Variants in COX10 observed in about 807,000 individuals in gnomAD.
COX10 encodes the protein protoheme IX farnesyltransferase, mitochondrial.
In COX10, 27 loss-of-function variants were observed where a neutral mutation model predicts 37.3. The observed-to-expected ratio is 0.72, with a 90% confidence interval of 0.53 to 1.00. COX10 has a LOEUF of 1.00. Among genes scored for constraint, COX10 ranks in the 50% least tolerant of loss-of-function variants. COX10 has a pLI of 0.00. For synonymous variants in COX10, 222 were observed against 229.1 expected (o/e 0.97, Z 0.28); for missense variants, 475 against 563.2 (o/e 0.84, Z 1.59).
intron 4 of COX10, among the ~76,000 whole-genome samples, chr17:14,109,095 G>T (rs1362249847): frequency 6.6e-6 from 1 of 152,144 alleles, no homozygotes; most frequent in African/African-American, 2.4e-5. Flanking sequence ...TGGGCAACTT[G>T]CATTCATTCA....
Position 14,069,519 on chromosome 17 carries a change from G to C in COX10, c.-87G>C, listed in dbSNP as rs1237551526. On this transcript the variant is annotated 5_prime_UTR_variant, in exon 1 of 7. Transcript: ENST00000261643. ...GCGGCCCGGAACTACTCCCACAGGG[G>C]GGCGGGGAAGGAAGATGGCGGCGCC... is the stretch of plus-strand genomic sequence containing the variant. 4.7e-5 allele frequency: 72 copies of C among 1,523,024 alleles called. No individual in the cohort carries two copies. In the Admixed American group the frequency reaches 9.5e-4, roughly 20 times the overall value. 94.3% of individuals were successfully genotyped at this position (1,523,024 alleles called of 1,614,324 possible). A position where few individuals can be genotyped will look rare whatever the true frequency, so the allele number is the denominator to read the frequency against.
intron 5 of COX10, 49 bp downstream of exon 5, chr17:14,159,996 C>T: frequency 6.7e-7 from 1 of 1,495,774 alleles, no homozygotes; most frequent in Admixed American, 1.7e-5. Flanking sequence ...CATTCATTTG[C>T]TTGTTCATCT....
At chr17:14,132,081 T>C (rs1223329129) in intron 4 of COX10, among the ~76,000 whole-genome samples, 2 of 151,990 alleles carry the variant, frequency 1.3e-5, no homozygotes, top group African/African-American at 2.4e-5. Flanking sequence ...TTATATCCTA[T>C]GTTAGAGTTT....
chr17:14,076,799 C>G lies in COX10; in HGVS notation c.242C>G (p.Ser81Cys). The change falls in exon 3 of 7, where the codon TCT becomes TGT. Residue 81 changes from serine to cysteine, a missense_variant. By Grantham distance (112) the Ser-to-Cys change is moderately radical (BLOSUM62 -1). This residue lies in a region of COX10 where 242 missense variants were observed against 242.5 expected (regional missense o/e 1.00). Transcript: ENST00000261643. ...QVRPKPEPVASPFLEKTSSGQ... is the reference protein window; with the variant it reads ...QVRPKPEPVACPFLEKTSSGQ... ...AGACCCAAGCCAGAACCAGTAGCAT[C>G]TCCTTTCCTTGAAAAAACATCTTCA... 1 of 1,614,168 alleles carries G rather than the reference C, an allele frequency of 6.2e-7. No homozygotes were observed. Among genetic ancestry groups the G allele is most frequent in the African/African-American group, 1.3e-5 (1 of 75,044 alleles).
At chr17:14,140,139 A>G (rs1904493488) in intron 4 of COX10, among the ~76,000 whole-genome samples, 1 of 152,122 alleles carries the variant, frequency 6.6e-6, no homozygotes, top group African/African-American at 2.4e-5. Context: ...TTTAAAAAAT[A>G]TTTCCCAACC....
At position 14,206,989 on chromosome 17, in the gene COX10, G is replaced by A. The variant is rs139943443; in HGVS notation, c.1108G>A (p.Ala370Thr). The A allele has an allele frequency of 2.3e-5, 37 of 1,614,042 alleles. No individual in the cohort carries two copies. The African/African-American group carries it at 4.7e-4, about 20-fold the overall frequency. ...CCTGGCCCTGCTCGTGCTGTCCGCA[G>A]CAGCCCCTGTGCTGGACATCACCAC... ...HCLALLVLSA[A>T]APVLDITTWT... The change falls in exon 7 of 7, where the codon GCA (alanine) becomes ACA (threonine). Residue 370 changes from alanine to threonine, a missense_variant. By Grantham distance (58) the Ala-to-Thr change is moderately conservative (BLOSUM62 0). This residue lies in a region of COX10 where 160 missense variants were observed against 180.6 expected (regional missense o/e 0.89). Coordinates refer to ENST00000261643, the MANE Select transcript of COX10 (RefSeq NM_001303.4).
chr17:14,107,620 C>G (rs769170823), intron 4 of COX10, among the ~76,000 whole-genome samples: 1 of 151,956 alleles, frequency 6.6e-6, no homozygotes, highest in East Asian at 1.9e-4. Flanking sequence ...TCAGCTTTCA[C>G]CCTCTTTGTA....
intron 5 of COX10, among the ~76,000 whole-genome samples, chr17:14,171,578 A>AT (rs1391279003): frequency 6.6e-6 from 1 of 151,774 alleles, no homozygotes; most frequent in Non-Finnish European, 1.5e-5. Flanking sequence ...TTCTCAGGGA[A>AT]TGCGTCTTGA....
chr17:14,077,912 G>A (rs910970404), intron 3 of COX10, among the ~76,000 whole-genome samples: 1 of 121,574 alleles, frequency 8.2e-6, no homozygotes, highest in Non-Finnish European at 1.7e-5. Context: ...GAAGGATCAG[G>A]GAAAGAGTGA....
At chr17:14,148,038 T>C (rs1396807456) in intron 4 of COX10, among the ~76,000 whole-genome samples, 8 of 151,804 alleles carry the variant, frequency 5.3e-5, no homozygotes, top group Admixed American at 5.2e-4. Context: ...CTGAGTGTTT[T>C]ACTTGTAGGA....
At chr17:14,110,179 T>C (rs993852278) in intron 4 of COX10, among the ~76,000 whole-genome samples, 2 of 152,064 alleles carry the variant, frequency 1.3e-5, no homozygotes, top group African/African-American at 4.8e-5. Context: ...GAAGGAAACA[T>C]GTTTATTTTT....
chr17:14,188,213 GAA>G lies in COX10; in HGVS notation c.696-3766_696-3765del, dbSNP rs10648666. Among the ~76,000 whole-genome samples the G allele has an allele frequency of 1.3e-4, 18 of 139,434 alleles. No individual in the cohort carries two copies. The East Asian group carries it at 3.3e-3, about 26-fold the overall frequency. 91.5% of individuals were successfully genotyped at this position (139,434 alleles called of 152,430 possible). A position where few individuals can be genotyped will look rare whatever the true frequency, so the allele number is the denominator to read the frequency against. On this transcript the variant is annotated intron_variant, in intron 5 of 6. Coordinates refer to ENST00000261643, the MANE Select transcript of COX10 (RefSeq NM_001303.4). ...AGCTAGTTTTTTAGAGTCTCATAGG[GAA>G]AAAAAAAAATCTGTTCTTATAAGCT... is the stretch of plus-strand genomic sequence containing the variant.
At chr17:14,114,307 A>C (rs1465185016) in intron 4 of COX10, among the ~76,000 whole-genome samples, 1 of 152,154 alleles carries the variant, frequency 6.6e-6, no homozygotes, top group Non-Finnish European at 1.5e-5. Context: ...TCAGCCAATT[A>C]ACTCCAGTGT....
intron 4 of COX10, among the ~76,000 whole-genome samples, chr17:14,126,244 A>C (rs1163807423): frequency 6.6e-6 from 1 of 152,138 alleles, no homozygotes; most frequent in East Asian, 1.9e-4. Flanking sequence ...CTTCTCCATC[A>C]ATATCCATTT....
At position 14,130,475 on chromosome 17, in the gene COX10, C is replaced by G. The variant is rs1916439476; in HGVS notation, c.624+28233C>G. On this transcript the variant is annotated intron_variant, in intron 4 of 6. Coordinates refer to ENST00000261643, the MANE Select transcript of COX10 (RefSeq NM_001303.4). ...CTTAAGGTCAAAGTTTGAAACAGGC[C>G]TAGAATCAAATTCTAGCTCTACTTA... 2.0e-5 allele frequency among the ~76,000 whole-genome samples: 3 copies of G among 151,982 alleles called. No homozygotes were observed. In the South Asian group the frequency reaches 6.2e-4, roughly 32 times the overall value.
chr17:14,129,718 C>T (rs1347982863), intron 4 of COX10, among the ~76,000 whole-genome samples: 2 of 152,178 alleles, frequency 1.3e-5, no homozygotes, highest in Non-Finnish European at 2.9e-5. Context: ...AAGATGCAGG[C>T]TGTTTGTGCC....
chr17:14,178,350 A>G (rs2530381), intron 5 of COX10, among the ~76,000 whole-genome samples: 19,469 of 82,724 alleles, frequency 0.24, 2,224 homozygotes, highest in East Asian at 0.49. Flanking sequence ...GAATGTTTCC[A>G]GGGGTCCTTG....
At chr17:14,132,219 G>A (rs1327109228) in intron 4 of COX10, among the ~76,000 whole-genome samples, 1 of 151,858 alleles carries the variant, frequency 6.6e-6, no homozygotes, top group Non-Finnish European at 1.5e-5. Flanking sequence ...ATTATATCAG[G>A]AATTTTTGAT....
At chr17:14,115,006 C>G (rs1451210003) in intron 4 of COX10, among the ~76,000 whole-genome samples, 2 of 152,004 alleles carry the variant, frequency 1.3e-5, no homozygotes, top group Admixed American at 1.3e-4. Context: ...TCTGAATGCT[C>G]CACTAGCTTA....
Sources: allele counts gnomAD v4.1 joint callset (sites outside exome capture counted in the v4.1 genomes callset), GRCh38; gene constraint gnomAD v4.1.1; regional missense constraint gnomAD v4.1.1; transcripts MANE v1.5; gene names NCBI Gene and HGNC (gene_info 2026-07-23, HGNC 2026-07-21).